Variants in KCTD4 observed in about 807,000 individuals in gnomAD.
KCTD4 encodes potassium channel tetramerization domain containing 4, also known as BTB/POZ domain-containing protein KCTD4.
In KCTD4, 12 loss-of-function variants were observed where a neutral mutation model predicts 18.3. That is an observed-to-expected ratio of 0.66 (90% CI 0.42 to 1.06). The LOEUF is 1.06. KCTD4 is among the 50% of genes least tolerant of loss of function. KCTD4 has a pLI of 0.00. For synonymous variants in KCTD4, 124 were observed against 110.5 expected (o/e 1.12, Z -0.76); for missense variants, 250 against 303.4 (o/e 0.82, Z 1.31).
chr13:45,195,709 G>C (rs1872857857), intron 1 of KCTD4, among the ~76,000 whole-genome samples: 1 of 152,116 alleles, frequency 6.6e-6, no homozygotes. Flanking sequence ...TTCACTTCTA[G>C]CATTTAAAGG....
At chr13:45,197,416 G>A (rs1872954531) in intron 1 of KCTD4, among the ~76,000 whole-genome samples, 1 of 151,456 alleles carries the variant, frequency 6.6e-6, no homozygotes, top group African/African-American at 2.4e-5. Context: ...GGCTGAGGCA[G>A]GAGAATCGCC....
chr13:45,196,172 C>T (rs1381295663), intron 1 of KCTD4, among the ~76,000 whole-genome samples: 1 of 152,090 alleles, frequency 6.6e-6, no homozygotes, highest in African/African-American at 2.4e-5. Context: ...ATCAAAAGTT[C>T]GTTGAAATCG....
chr13:45,194,058 A>G lies in KCTD4; in HGVS notation c.510T>C (p.Ser170=). 6.2e-7 allele frequency: 1 copy of G among 1,614,140 alleles called. No homozygotes were observed. Among genetic ancestry groups the G allele is most frequent in the Non-Finnish European group, 8.5e-7 (1 of 1,180,012 alleles). The change falls in exon 2 of 2, where the codon TCT becomes TCC. Residue 170 remains serine, a synonymous_variant. Coordinates refer to ENST00000379108, the MANE Select transcript of KCTD4 (RefSeq NM_198404.3). ...NAPDFISKIK[S]RIVLVSKSRL... ...TGCTTTTGGACACCAGAACAATGCG[A>G]GACTTTATTTTTGATATGAAATCAG...
At position 45,192,886 on chromosome 13, in the gene KCTD4, C is replaced by T. The variant is rs1004920198; in HGVS notation, c.*902G>A. Reference sequence around the variant, plus strand: ...ATGAACTCCTTTATTATTCTAATAACAGATACTCTATTGAGACTAAGTTAC... The same window carrying T: ...ATGAACTCCTTTATTATTCTAATAATAGATACTCTATTGAGACTAAGTTAC... On this transcript the variant is annotated 3_prime_UTR_variant, in exon 2 of 2. Coordinates refer to ENST00000379108, the MANE Select transcript of KCTD4 (RefSeq NM_198404.3). 7 of 152,116 alleles carry T rather than the reference C, an allele frequency of 4.6e-5. No individual in the cohort carries two copies. The allele number at this position is 152,116 out of a possible 1,614,324, so 9.4% of individuals were successfully genotyped here. A position where few individuals can be genotyped will look rare whatever the true frequency, so the allele number is the denominator to read the frequency against.
At chr13:45,197,538 G>A (rs1445265540) in intron 1 of KCTD4, among the ~76,000 whole-genome samples, 1 of 149,642 alleles carries the variant, frequency 6.7e-6, no homozygotes, top group Non-Finnish European at 1.5e-5. Context: ...GCACCCAGTA[G>A]GCCCCGCTGT....
At position 45,193,906 on chromosome 13, in the gene KCTD4, T is replaced by C; in HGVS notation, c.662A>G (p.Glu221Gly). ...KEDNTFVCTL[E>G]TLKFEAIMMA... is the part of the protein sequence containing the mutation. ...CATGATAGCCTCAAACTTAAGAGTTTCCAAGGTACAGACAAAGGTGTTGTC... is the reference window on the plus strand; with the variant it reads ...CATGATAGCCTCAAACTTAAGAGTTCCCAAGGTACAGACAAAGGTGTTGTC... Residue 221 changes from glutamate (E) to glycine (G), a missense_variant, in exon 2 of 2, where the codon GAA becomes GGA. Transcript: ENST00000379108. 1 of 1,614,156 alleles carries C rather than the reference T, an allele frequency of 6.2e-7. No homozygotes were observed. The highest frequency in any genetic ancestry group is 8.5e-7 in the Non-Finnish European group (1 of 1,179,998).
At chr13:45,195,024 G>T (rs1303315185) in intron 1 of KCTD4, among the ~76,000 whole-genome samples, 3 of 152,112 alleles carry the variant, frequency 2.0e-5, no homozygotes, top group Non-Finnish European at 4.4e-5. Flanking sequence ...TATTGATTTA[G>T]TGTCATCTTT....
Position 45,194,629 on chromosome 13 carries a change from T to G in KCTD4, c.-62A>C. The stretch of plus-strand genomic sequence containing the variant: ...TTTGAGATTTTTTAAAAAGAGACAC[T>G]ACCACACAAGCACGCCTTTATTCAG... On this transcript the variant is annotated 5_prime_UTR_variant, in exon 2 of 2. Transcript: ENST00000379108. 1 of 1,419,284 alleles carries G rather than the reference T, an allele frequency of 7.0e-7. No homozygotes were observed. The highest frequency in any genetic ancestry group is 1.9e-4 in the Middle Eastern group (1 of 5,392). 87.9% of individuals were successfully genotyped at this position (1,419,284 alleles called of 1,614,324 possible). A position where few individuals can be genotyped will look rare whatever the true frequency, so the allele number is the denominator to read the frequency against.
chr13:45,200,480 T>C (rs961716810), intron 1 of KCTD4, among the ~76,000 whole-genome samples: 4 of 152,170 alleles, frequency 2.6e-5, no homozygotes, highest in Admixed American at 2.6e-4. Flanking sequence ...CTAACTTTTT[T>C]ATCTTTTTGT....
In KCTD4 at chr13:45,194,403, TGGG is replaced by T. The variant is rs1211487512; in HGVS notation, c.162_164del (p.Tyr54_Pro55delinsTer). ...TTACTATACCTTCAAGGAAAGTGTC[TGGG>T]TACTTGGTCAGTGTTTGTTTTTGAG... On this transcript the variant is annotated stop_gained and inframe_deletion, in exon 2 of 2. Transcript: ENST00000379108. LOFTEE classifies it high-confidence loss of function. The T allele has an allele frequency of 6.2e-7, 1 of 1,614,084 alleles. No individual in the cohort carries two copies. Among genetic ancestry groups the T allele is most frequent in the Non-Finnish European group, 8.5e-7 (1 of 1,180,028 alleles).
At chr13:45,199,520 T>G (rs139663517) in intron 1 of KCTD4, among the ~76,000 whole-genome samples, 3,495 of 151,780 alleles carry the variant, frequency 0.023, 130 homozygotes, top group African/African-American at 0.077. Flanking sequence ...AAAAATGAAG[T>G]TTTTTTTTGA....
At chr13:45,199,879 A>T (rs1268921959) in intron 1 of KCTD4, among the ~76,000 whole-genome samples, 1 of 152,128 alleles carries the variant, frequency 6.6e-6, no homozygotes, top group Non-Finnish European at 1.5e-5. Context: ...GTCTTCAGTG[A>T]TGAGGTGGTG....
rs1258582574 is a variant in KCTD4 at position 45,193,072 on chromosome 13, T to G, written c.*716A>C. 6.6e-6 allele frequency: 1 copy of G among 152,182 alleles called. No individual in the cohort carries two copies. The allele number at this position is 152,182 out of a possible 1,614,324, so 9.4% of individuals were successfully genotyped here. A position where few individuals can be genotyped will look rare whatever the true frequency, so the allele number is the denominator to read the frequency against. The stretch of plus-strand genomic sequence containing the variant: ...TTTGCTTTTAAAGTGACCTGTAACT[T>G]TTTATTATAATCATTAATACAATCA... On this transcript the variant is annotated 3_prime_UTR_variant, in exon 2 of 2. Transcript: ENST00000379108.
chr13:45,200,436 A>C (rs552018867), intron 1 of KCTD4, among the ~76,000 whole-genome samples: 1 of 152,104 alleles, frequency 6.6e-6, no homozygotes, highest in East Asian at 1.9e-4. Context: ...ACTCCCGTAT[A>C]GTTGGGGCCA....
intron 1 of KCTD4, among the ~76,000 whole-genome samples, chr13:45,199,279 A>G (rs761374020): frequency 1.3e-5 from 2 of 152,266 alleles, no homozygotes; most frequent in Admixed American, 6.5e-5. Flanking sequence ...TGAGGAGTAT[A>G]GAAAAACATA....
chr13:45,193,473 G>T lies in KCTD4; in HGVS notation c.*315C>A, dbSNP rs181293675. The T allele has an allele frequency of 6.4e-5, 15 of 232,612 alleles. No homozygotes were observed. In the East Asian group the frequency reaches 1.3e-3, roughly 21 times the overall value. 14.4% of individuals were successfully genotyped at this position (232,612 alleles called of 1,614,324 possible). A position where few individuals can be genotyped will look rare whatever the true frequency, so the allele number is the denominator to read the frequency against. ...ATAATGTACATGCTTTCTTTTTTGT[G>T]CAAATACCCAAGACAATCTGAATTG... On this transcript the variant is annotated 3_prime_UTR_variant, in exon 2 of 2. Transcript: ENST00000379108.
chr13:45,197,793 G>C (rs938907736), intron 1 of KCTD4, among the ~76,000 whole-genome samples: 6 of 152,202 alleles, frequency 3.9e-5, no homozygotes, highest in Admixed American at 3.3e-4. Flanking sequence ...TGGTGCTTCA[G>C]TACCTATACC....
Position 45,200,841 on chromosome 13 carries a change from T to G in KCTD4, c.-205A>C, listed in dbSNP as rs555994208. 9.2e-5 allele frequency among the ~76,000 whole-genome samples: 14 copies of G among 152,294 alleles called. No individual in the cohort carries two copies. The highest frequency in any genetic ancestry group is 2.6e-4 in the African/African-American group (11 of 41,570). ...AAATGTACCTGCTTCTTGAAAAGATTATTTCTTCAGTCTTTTCCCAGAGAG... is the reference window on the plus strand; with the variant it reads ...AAATGTACCTGCTTCTTGAAAAGATGATTTCTTCAGTCTTTTCCCAGAGAG... On this transcript the variant is annotated 5_prime_UTR_variant, in exon 1 of 2. Coordinates refer to ENST00000379108, the MANE Select transcript of KCTD4 (RefSeq NM_198404.3).
At chr13:45,196,476 G>A (rs1323551073) in intron 1 of KCTD4, among the ~76,000 whole-genome samples, 1 of 152,184 alleles carries the variant, frequency 6.6e-6, no homozygotes, top group Non-Finnish European at 1.5e-5. Context: ...GATTTTGAGG[G>A]AGAAGGGATA....
Sources: gnomAD v4.1 joint callset for allele counts (sites outside exome capture counted in the v4.1 genomes callset) on GRCh38, gnomAD v4.1.1 for gene constraint, MANE v1.5 for transcripts, NCBI Gene and HGNC (gene_info 2026-07-23, HGNC 2026-07-21) for gene names.